MYPN: variants seen among roughly 807,000 people sequenced by gnomAD.
MYPN encodes myopalladin.
A neutral mutation model predicts 129.4 loss-of-function variants in MYPN; 63 were observed. That is an observed-to-expected ratio of 0.49 (90% confidence interval 0.40 to 0.60). The LOEUF is 0.60. Among genes scored for constraint, MYPN ranks in the 20% least tolerant of loss-of-function variants. MYPN has a pLI of 0.00. For missense variants in MYPN, 1,596 were observed against 1,635.4 expected, an observed-to-expected ratio of 0.98 and a Z score of 0.42; for synonymous variants, 629 against 600.9, an observed-to-expected ratio of 1.05 and a Z score of -0.68.
chr10:68,190,744 C>CA (rs1360736148), intron 13 of MYPN, among the ~76,000 whole-genome samples: 5 of 151,828 alleles, frequency 3.3e-5, no homozygotes, highest in East Asian at 1.9e-4. Context: ...AGGTCTTACC[C>CA]AAAAAAAAAT....
At chr10:68,168,991 TAAAAAAAAAAA>T (rs71009012) in intron 10 of MYPN, among the ~76,000 whole-genome samples, 1 of 80,304 alleles carries the variant, frequency 1.2e-5, no homozygotes, top group Non-Finnish European at 2.2e-5. Context: ...GATTATTTCT[TAAAAAAAAAAA>T]AAAAAAAAAA....
intron 1 of MYPN, among the ~76,000 whole-genome samples, chr10:68,099,508 G>A (rs906528562): frequency 3.9e-5 from 6 of 151,916 alleles, no homozygotes; most frequent in Admixed American, 6.6e-5. Context: ...AGTGCCACGC[G>A]CCTGTCATCC....
chr10:68,163,303 T>C (rs1415358836), intron 8 of MYPN, among the ~76,000 whole-genome samples: 2 of 147,976 alleles, frequency 1.4e-5, no homozygotes, highest in African/African-American at 2.5e-5. Flanking sequence ...TCAAAAAAAA[T>C]AGAAGCCTTA....
Position 68,195,522 on chromosome 10 carries a change from C to G in MYPN, c.3148C>G (p.Gln1050Glu). 1 of 1,613,856 alleles carries G rather than the reference C, an allele frequency of 6.2e-7. No homozygotes were observed. The highest frequency in any genetic ancestry group is 8.5e-7 in the Non-Finnish European group (1 of 1,179,796). ...TCGCAGTCGGCTAACCTCTGCTGGTCAGTCTCACAGGTAAAGACAGTAAGA... is the reference window on the plus strand; with the variant it reads ...TCGCAGTCGGCTAACCTCTGCTGGTGAGTCTCACAGGTAAAGACAGTAAGA... Reference protein sequence around the residue: ...PIRSRLTSAGQSHRGRSRVQE... With the variant: ...PIRSRLTSAGESHRGRSRVQE... The change falls in exon 15 of 20, where the codon CAG (glutamine) becomes GAG (glutamate). Residue 1050 changes from glutamine (Q) to glutamate (E), a missense_variant. Gln to Glu is a conservative substitution (Grantham distance 29, BLOSUM62 2). Coordinates refer to ENST00000358913, the MANE Select transcript of MYPN (RefSeq NM_032578.4).
upstream of MYPN, among the ~76,000 whole-genome samples, chr10:68,107,497 C>T (rs1255322866): frequency 2.8e-5 from 4 of 145,318 alleles, no homozygotes; most frequent in Admixed American, 2.1e-4. Flanking sequence ...TGCACCTCTA[C>T]GCCCTGCTAA....
chr10:68,138,404 T>C (rs2042521284), intron 2 of MYPN, among the ~76,000 whole-genome samples: 1 of 151,614 alleles, frequency 6.6e-6, no homozygotes, highest in Non-Finnish European at 1.5e-5. Context: ...GCCCGGCCTC[T>C]TTTTCTTTCT....
chr10:68,127,485 C>T (rs1015440086), intron 2 of MYPN, among the ~76,000 whole-genome samples: 1 of 151,728 alleles, frequency 6.6e-6, no homozygotes, highest in African/African-American at 2.4e-5. Flanking sequence ...CAGGCACGTG[C>T]CACCATGCCC....
At chr10:68,157,588 C>T (rs1373544912) in intron 6 of MYPN, among the ~76,000 whole-genome samples, 1 of 148,628 alleles carries the variant, frequency 6.7e-6, no homozygotes, top group Non-Finnish European at 1.5e-5. Context: ...AATCCCAGCA[C>T]TTTGGGAGGC....
rs775695649 is a variant in MYPN, at chr10:68,188,917, T to G, written c.2716T>G (p.Ser906Ala). 1 of 1,613,880 alleles carries G rather than the reference T, an allele frequency of 6.2e-7. No homozygotes were observed. The highest frequency in any genetic ancestry group is 1.1e-5 in the South Asian group (1 of 91,004). Reference sequence around the variant, plus strand: ...GTCATTTTGACAGGAGTACAAAATTTCAAGCTTTGAGCAGAGGCTGATGAA... The same window carrying G: ...GTCATTTTGACAGGAGTACAAAATTGCAAGCTTTGAGCAGAGGCTGATGAA... ...VRPNQQEYKISSFEQRLMNEI... is the reference protein window; with the variant it reads ...VRPNQQEYKIASFEQRLMNEI... The change falls in exon 13 of 20, where the codon TCA becomes GCA. Residue 906 changes from serine to alanine, a missense_variant. Ser to Ala is a moderately conservative substitution (Grantham distance 99, BLOSUM62 1). Coordinates refer to ENST00000358913, the MANE Select transcript of MYPN (RefSeq NM_032578.4).
intron 10 of MYPN, among the ~76,000 whole-genome samples, chr10:68,171,525 T>C (rs1429576739): frequency 2.0e-5 from 3 of 152,208 alleles, no homozygotes; most frequent in African/African-American, 7.2e-5. Flanking sequence ...TCCAGAGGAT[T>C]CTGAGGCCCA....
At chr10:68,146,919 C>T (rs956619491) in intron 4 of MYPN, among the ~76,000 whole-genome samples, 6 of 152,132 alleles carry the variant, frequency 3.9e-5, no homozygotes, top group Admixed American at 2.0e-4. Context: ...AAGAAGAAAA[C>T]AGATGCTTTG....
At position 68,151,267 on chromosome 10, in the gene MYPN, G is replaced by T. The variant is rs1174475486; in HGVS notation, c.1317+1156G>T. ...CTGCTGTATCAGATCATTCAAGATG[G>T]TTTTCCAAAACCCAGAGTGGAGTCT... is the stretch of plus-strand genomic sequence containing the variant. On this transcript the variant is annotated intron_variant, in intron 6 of 19. Coordinates refer to ENST00000358913, the MANE Select transcript of MYPN (RefSeq NM_032578.4). 2.6e-5 allele frequency among the ~76,000 whole-genome samples: 4 copies of T among 152,278 alleles called. No homozygotes were observed. In the East Asian group the frequency reaches 7.7e-4, roughly 29 times the overall value.
chr10:68,135,848 A>G (rs1224166358), intron 2 of MYPN, among the ~76,000 whole-genome samples: 1 of 152,156 alleles, frequency 6.6e-6, no homozygotes. Flanking sequence ...AGACACTAAA[A>G]CAAATAAACC....
intron 17 of MYPN, among the ~76,000 whole-genome samples, chr10:68,200,441 T>C (rs12358805): frequency 0.53 from 80,459 of 151,956 alleles, 22,865 homozygotes; most frequent in Non-Finnish European, 0.62. Flanking sequence ...TGGGCTTCCT[T>C]CTGCTCTCAG....
In MYPN at chr10:68,158,515, T is replaced by C. The variant is rs902020289; in HGVS notation, c.1347T>C (p.Gly449=). The change falls in exon 7 of 20, where the codon GGT becomes GGC. Residue 449 remains glycine, a synonymous_variant. Coordinates refer to ENST00000358913, the MANE Select transcript of MYPN (RefSeq NM_032578.4). ...TACAAAATTTGTCAGCTTCTGAGGG[T>C]CAGCTGGTTGTCTTTGAATGCAGAG... The part of the protein sequence containing the change: ...KMLQNLSASE[G]QLVVFECRVK... The C allele has an allele frequency of 5.0e-6, 8 of 1,613,948 alleles. No homozygotes were observed. The highest frequency in any genetic ancestry group is 1.3e-5 in the African/African-American group (1 of 74,934).
In MYPN at chr10:68,166,415, C is replaced by G. The variant is rs1003969153; in HGVS notation, c.1722C>G (p.Pro574=). 1 of 1,614,130 alleles carries G rather than the reference C, an allele frequency of 6.2e-7. No individual in the cohort carries two copies. Among genetic ancestry groups the G allele is most frequent in the Non-Finnish European group, 8.5e-7 (1 of 1,180,034 alleles). The change falls in exon 10 of 20, where the codon CCC becomes CCG. Residue 574 remains proline (P), a synonymous_variant. Coordinates refer to ENST00000358913, the MANE Select transcript of MYPN (RefSeq NM_032578.4). ...AGCCTCCATCTGTGGAACAACCCCC[C>G]AAACCCAAACTCGAGGGGGTTCTGG... ...HSEPPSVEQP[P]KPKLEGVLVN... is the part of the protein sequence containing the mutation.
intron 1 of MYPN, among the ~76,000 whole-genome samples, chr10:68,092,297 C>T (rs979042105): frequency 9.9e-5 from 15 of 152,004 alleles, no homozygotes; most frequent in Non-Finnish European, 2.1e-4. Flanking sequence ...GAGTTTGAGA[C>T]CAGCCTGGCC....
chr10:68,170,597 T>C (rs1266452493), intron 10 of MYPN, among the ~76,000 whole-genome samples: 1 of 152,112 alleles, frequency 6.6e-6, no homozygotes, highest in East Asian at 1.9e-4. Context: ...ATATGGAAAA[T>C]AGAGATAATG....
intron 8 of MYPN, among the ~76,000 whole-genome samples, chr10:68,163,853 T>C (rs2043015844): frequency 6.6e-6 from 1 of 152,132 alleles, no homozygotes; most frequent in Non-Finnish European, 1.5e-5. Flanking sequence ...GTCCAGAACC[T>C]AGTATGCAAT....
Sources: allele counts gnomAD v4.1 joint callset (sites outside exome capture counted in the v4.1 genomes callset), GRCh38; gene constraint gnomAD v4.1.1; transcripts MANE v1.5; gene names NCBI Gene and HGNC (gene_info 2026-07-23, HGNC 2026-07-21).